HORMAD2: variants seen among roughly 807,000 people sequenced by gnomAD.
HORMAD2 encodes the protein HORMA domain-containing protein 2.
A neutral mutation model predicts 38.8 loss-of-function variants in HORMAD2; 45 were observed. That is an observed-to-expected ratio of 1.16 (90% CI 0.91 to 1.49). The LOEUF is 1.49. Ranked by LOEUF, HORMAD2 falls within the 40% of genes most tolerant of loss-of-function variation. The pLI, the probability that HORMAD2 is intolerant of heterozygous loss-of-function variation, is 0.00. For synonymous variants in HORMAD2, 126 were observed against 122.8 expected, an observed-to-expected ratio of 1.03 and a Z score of -0.17; for missense variants, 338 against 367.0, an observed-to-expected ratio of 0.92 and a Z score of 0.65.
intron 7 of HORMAD2, 32 bp from the exon 8 acceptor site, chr22:30,118,947 CT>C: frequency 7.6e-6 from 11 of 1,446,456 alleles, no homozygotes; most frequent in Middle Eastern, 2.1e-4. Flanking sequence ...TTTCTAAATT[CT>C]TTTTTTTCTT....
At chr22:30,130,586 C>CT (rs66636269) in intron 10 of HORMAD2, among the ~76,000 whole-genome samples, 17,423 of 88,044 alleles carry the variant, frequency 0.2, 2,031 homozygotes, top group Middle Eastern at 0.35. Context: ...CTTTTCTTTT[C>CT]TTTTTTTTTT....
intron 1 of HORMAD2, among the ~76,000 whole-genome samples, chr22:30,086,816 C>T (rs2068578326): frequency 6.6e-6 from 1 of 151,998 alleles, no homozygotes; most frequent in African/African-American, 2.4e-5. Flanking sequence ...TGCAGGGGGA[C>T]AGGGTTTCAC....
chr22:30,133,934 A>T (rs891455240), intron 10 of HORMAD2, among the ~76,000 whole-genome samples: 2 of 152,080 alleles, frequency 1.3e-5, no homozygotes, highest in African/African-American at 2.4e-5. Flanking sequence ...ATACAGAGGG[A>T]TGACTGTATA....
At chr22:30,098,543 C>T (rs1002227653) in intron 2 of HORMAD2, among the ~76,000 whole-genome samples, 6 of 152,038 alleles carry the variant, frequency 3.9e-5, no homozygotes, top group Non-Finnish European at 8.8e-5. Flanking sequence ...CAGATTGCAG[C>T]GGGGTCTGAG....
chr22:30,187,915 G>A, the HORMAD2 span, among the ~76,000 whole-genome samples: 2 of 152,040 alleles, frequency 1.3e-5, no homozygotes, highest in Admixed American at 6.6e-5. Context: ...TGGGGGAGCC[G>A]CTGTGAGTCT....
At chr22:30,140,118 G>A (rs1203335477) in intron 10 of HORMAD2, among the ~76,000 whole-genome samples, 3 of 152,040 alleles carry the variant, frequency 2.0e-5, no homozygotes, top group Admixed American at 6.6e-5. Context: ...AGTTGAATTA[G>A]CCCTGCATGG....
chr22:30,132,825 G>C, intron 10 of HORMAD2, among the ~76,000 whole-genome samples: 1 of 152,048 alleles, frequency 6.6e-6, no homozygotes, highest in East Asian at 1.9e-4. Context: ...AGTAGGAAGA[G>C]CCACACTGAT....
intron 3 of HORMAD2, 77 bp downstream of exon 3, chr22:30,099,070 C>T: frequency 7.7e-7 from 1 of 1,299,430 alleles, no homozygotes; most frequent in Non-Finnish European, 1.0e-6. Flanking sequence ...TTTCACGTCT[C>T]ACAAAGTGTG....
At chr22:30,203,423 G>A in the HORMAD2 span, among the ~76,000 whole-genome samples, 1 of 150,808 alleles carries the variant, frequency 6.6e-6, no homozygotes, top group African/African-American at 2.4e-5. Context: ...TCTGTCATTG[G>A]TGCTTGGAAA....
intron 10 of HORMAD2, 87 bp from the exon 11 acceptor site, chr22:30,175,976 T>G (rs1890670165): frequency 1.2e-6 from 1 of 865,302 alleles, no homozygotes. Flanking sequence ...CTTGAGGGAT[T>G]AATGCTTGGT....
intron 5 of HORMAD2, among the ~76,000 whole-genome samples, chr22:30,109,156 C>G (rs1253802192): frequency 1.3e-5 from 2 of 151,638 alleles, no homozygotes; most frequent in South Asian, 2.1e-4. Flanking sequence ...TCCCGAGTAG[C>G]TGGGATTACA....
intron 3 of HORMAD2, among the ~76,000 whole-genome samples, chr22:30,099,442 A>G (rs1042375525): frequency 1.3e-5 from 2 of 152,246 alleles, no homozygotes; most frequent in African/African-American, 2.4e-5. Flanking sequence ...TAACATGGAT[A>G]TTAAAATAAT....
At chr22:30,201,192 T>C in the HORMAD2 span, among the ~76,000 whole-genome samples, 1 of 152,128 alleles carries the variant, frequency 6.6e-6, no homozygotes, top group Non-Finnish European at 1.5e-5. Flanking sequence ...CCTTGGTGAT[T>C]CTTGGCACGC....
At chr22:30,194,468 G>A in the HORMAD2 span, among the ~76,000 whole-genome samples, 2 of 152,206 alleles carry the variant, frequency 1.3e-5, no homozygotes, top group Non-Finnish European at 2.9e-5. Context: ...GATTTGTGAT[G>A]AAGCAGATTC....
the HORMAD2 span, among the ~76,000 whole-genome samples, chr22:30,203,796 A>G: frequency 1.3e-5 from 2 of 152,196 alleles, no homozygotes; most frequent in African/African-American, 4.8e-5. Flanking sequence ...ACGTGCATGC[A>G]TCCTTATACA....
chr22:30,115,200 C>T (rs1252116469), intron 7 of HORMAD2, among the ~76,000 whole-genome samples: 1 of 152,166 alleles, frequency 6.6e-6, no homozygotes, highest in African/African-American at 2.4e-5. Context: ...GATCTTGGCT[C>T]ATGGCAGCCT....
At chr22:30,142,415 G>C (rs1924145169) in intron 10 of HORMAD2, among the ~76,000 whole-genome samples, 3 of 152,180 alleles carry the variant, frequency 2.0e-5, no homozygotes, top group Admixed American at 2.0e-4. Context: ...AGTTTAGACT[G>C]TTGTTCAGAT....
chr22:30,141,059 A>G (rs1313823041), intron 10 of HORMAD2, among the ~76,000 whole-genome samples: 1 of 152,040 alleles, frequency 6.6e-6, no homozygotes, highest in Admixed American at 6.6e-5. Flanking sequence ...GTGCAGTGGA[A>G]TGACCTCGGC....
chr22:30,082,106 C>G (rs935005353), intron 1 of HORMAD2, among the ~76,000 whole-genome samples: 1 of 152,144 alleles, frequency 6.6e-6, no homozygotes, highest in Non-Finnish European at 1.5e-5. Context: ...GTCTGTGCTC[C>G]CTTCCAGCTT....
Sources: allele counts gnomAD v4.1 joint callset (sites outside exome capture counted in the v4.1 genomes callset), GRCh38; gene constraint gnomAD v4.1.1; transcripts MANE v1.5; gene names NCBI Gene and HGNC (gene_info 2026-07-23, HGNC 2026-07-21).